The following UBE2E1 variants were observed in gnomAD, a reference collection of about 807,000 sequenced individuals.
UBE2E1 encodes the protein ubiquitin-conjugating enzyme E2 E1.
Under a neutral mutation model 21.4 loss-of-function variants are expected in UBE2E1, and 6 were observed. That is an observed-to-expected ratio of 0.28 (90% CI 0.15 to 0.55). UBE2E1 has a LOEUF of 0.55. Ranked by LOEUF, UBE2E1 falls within the 20% of genes least tolerant of loss-of-function variation. The probability of loss-of-function intolerance (pLI) is 0.93; values close to 1 mark genes in which losing one functional copy is unlikely to be tolerated. For synonymous variants in UBE2E1, 87 were observed against 82.7 expected (o/e 1.05, Z -0.28); for missense variants, 142 against 236.5 (o/e 0.60, Z 2.62).
rs764834820 is a variant in UBE2E1, at chr3:23,870,082, C to T, written c.204-17485C>T. ...TCCTCACTTTTACATGTCTGGTTTT[C>T]CACCTGGGCTGGGAAGGCCCACAGC... On this transcript the variant is annotated intron_variant, in intron 3 of 5. Coordinates refer to ENST00000306627, the MANE Select transcript of UBE2E1 (RefSeq NM_003341.5). The surrounding 1 kb of genome is among the most constrained non-coding windows in gnomAD (Gnocchi z 4.2). Among the ~76,000 whole-genome samples, 1 of 152,128 alleles carries T rather than the reference C, an allele frequency of 6.6e-6. No individual in the cohort carries two copies. Among genetic ancestry groups the T allele is most frequent in the Non-Finnish European group, 1.5e-5 (1 of 68,022 alleles).
intron 5 of UBE2E1, chr3:23,889,726 GACT>G: frequency 1.0e-6 from 1 of 985,274 alleles, no homozygotes; most frequent in Non-Finnish European, 1.2e-6. Flanking sequence ...ATTGAATTGT[GACT>G]TTTTTGGGAC....
intron 3 of UBE2E1, among the ~76,000 whole-genome samples, chr3:23,849,008 C>T (rs780945287): frequency 1.3e-5 from 2 of 152,114 alleles, no homozygotes; most frequent in Admixed American, 6.5e-5. Context: ...AGGGATATAC[C>T]ATGTTTATCC....
rs1479730465 is a variant in UBE2E1 at position 23,870,415 on chromosome 3, G to A, written c.204-17152G>A. Among the ~76,000 whole-genome samples the A allele has an allele frequency of 6.6e-6, 1 of 152,224 alleles. No homozygotes were observed. Among genetic ancestry groups the A allele is most frequent in the African/African-American group, 2.4e-5 (1 of 41,450 alleles). On this transcript the variant is annotated intron_variant, in intron 3 of 5. Transcript: ENST00000306627. This position sits in a 1 kb window ranked among gnomAD's most constrained non-coding sequence, Gnocchi z 4.2. The stretch of plus-strand genomic sequence containing the variant: ...CAGTTTCAAACAATCTGTGGACGGT[G>A]TTGTAAAACTGCCACAGGGAGTTAA...
At chr3:23,821,574 G>T (rs1699646497) in intron 3 of UBE2E1, among the ~76,000 whole-genome samples, 1 of 152,216 alleles carries the variant, frequency 6.6e-6, no homozygotes, top group African/African-American at 2.4e-5. Context: ...AGCTGGTGCA[G>T]GTGGCTAGGA....
intron 3 of UBE2E1, among the ~76,000 whole-genome samples, chr3:23,818,220 A>G (rs1575804666): frequency 6.6e-6 from 1 of 152,154 alleles, no homozygotes; most frequent in Admixed American, 6.5e-5. Context: ...GGCTTGAGGG[A>G]AAAAGGTTTT....
chr3:23,839,534 T>G (rs1474197246), intron 3 of UBE2E1, among the ~76,000 whole-genome samples: 1 of 151,976 alleles, frequency 6.6e-6, no homozygotes. Context: ...TATTACCATT[T>G]CTGGTGTTCT....
At chr3:23,831,889 T>C (rs1575815537) in intron 3 of UBE2E1, among the ~76,000 whole-genome samples, 1 of 151,814 alleles carries the variant, frequency 6.6e-6, no homozygotes, top group Non-Finnish European at 1.5e-5. Context: ...AGAGGCAGGG[T>C]TTCACCATGT....
chr3:23,851,450 G>C lies in UBE2E1; in HGVS notation c.204-36117G>C, dbSNP rs9825452. Among the ~76,000 whole-genome samples, 1,116 of 152,136 alleles carry C rather than the reference G, an allele frequency of 7.3e-3. 14 individuals are homozygous for C. Among genetic ancestry groups the C allele is most frequent in the African/African-American group, 0.025 (1,042 of 41,502 alleles). ...ATTTTGTTTTTTTTTAAACAGTCCA[G>C]CTGGGGTTTTTACAGGGTTTATGTT... On this transcript the variant is annotated intron_variant, in intron 3 of 5. Coordinates refer to ENST00000306627, the MANE Select transcript of UBE2E1 (RefSeq NM_003341.5).
At chr3:23,822,838 C>A (rs1450099192) in intron 3 of UBE2E1, among the ~76,000 whole-genome samples, 1 of 143,314 alleles carries the variant, frequency 7.0e-6, no homozygotes, top group Non-Finnish European at 1.5e-5. Flanking sequence ...CATCCCCCCA[C>A]CCCCAACCCC....
At chr3:23,825,028 G>A (rs1013851884) in intron 3 of UBE2E1, among the ~76,000 whole-genome samples, 2 of 152,150 alleles carry the variant, frequency 1.3e-5, no homozygotes, top group African/African-American at 4.8e-5. Flanking sequence ...AACCTTGTAG[G>A]ATTAGTAATT....
chr3:23,890,481 C>G, intron 5 of UBE2E1, 28 bp from the exon 6 acceptor site: 1 of 1,598,442 alleles, frequency 6.3e-7, no homozygotes, highest in Non-Finnish European at 8.5e-7. Flanking sequence ...TTCCTTTCTC[C>G]AAAGTAATCT....
At position 23,853,760 on chromosome 3, in the gene UBE2E1, G is replaced by T. The variant is rs966220540; in HGVS notation, c.204-33807G>T. On this transcript the variant is annotated intron_variant, in intron 3 of 5. Transcript: ENST00000306627. The surrounding 1 kb of genome is among the most constrained non-coding windows in gnomAD (Gnocchi z 4.1). ...AGGTTTTGCATTTGGTAGTCTGCCA[G>T]TGCTCAAAAATTCCTGGTGGTGGTT... Among the ~76,000 whole-genome samples, 1 of 152,154 alleles carries T rather than the reference G, an allele frequency of 6.6e-6. No individual in the cohort carries two copies. The highest frequency in any genetic ancestry group is 2.4e-5 in the African/African-American group (1 of 41,436).
intron 3 of UBE2E1, among the ~76,000 whole-genome samples, chr3:23,820,215 T>G (rs192526873): frequency 6.6e-6 from 1 of 152,344 alleles, no homozygotes; most frequent in African/African-American, 2.4e-5. Context: ...GCAGCCATGC[T>G]CTAAAGTGAA....
rs149212733 is a variant in UBE2E1, at chr3:23,878,528, G to C, written c.204-9039G>C. Among the ~76,000 whole-genome samples the C allele has an allele frequency of 1.6e-3, 245 of 152,356 alleles. 4 individuals are homozygous for C. In the East Asian group the frequency reaches 0.036, roughly 23 times the overall value. ...ATAACAGATGAGCAGTGGGTGGGCA[G>C]GCCGGCCAGCTGAGTGAAGCTCCAT... On this transcript the variant is annotated intron_variant, in intron 3 of 5. Transcript: ENST00000306627.
intron 3 of UBE2E1, among the ~76,000 whole-genome samples, chr3:23,814,938 A>T (rs1286328982): frequency 1.3e-5 from 2 of 152,236 alleles, no homozygotes; most frequent in Non-Finnish European, 2.9e-5. Flanking sequence ...AATGTCTGAA[A>T]AGTCATTAAA....
rs1699291145 is a variant in UBE2E1, at chr3:23,806,983, C to T, written c.-33-254C>T. The T allele has an allele frequency of 7.4e-6, 2 of 270,366 alleles. No individual in the cohort carries two copies. The highest frequency in any genetic ancestry group is 2.0e-3 in the Middle Eastern group (2 of 976). 16.7% of individuals were successfully genotyped at this position (270,366 alleles called of 1,614,324 possible). On this transcript the variant is annotated intron_variant, in intron 1 of 5. Transcript: ENST00000306627. The surrounding 1 kb of genome is among the most constrained non-coding windows in gnomAD (Gnocchi z 6.5). ...TCCCTCCCTGCCCAGCGGAGAGCCC[C>T]GGGGGGCGAGGGAGGGGCCTCTCTC... is the stretch of plus-strand genomic sequence containing the variant.
At chr3:23,817,659 TG>T (rs1699558604) in intron 3 of UBE2E1, among the ~76,000 whole-genome samples, 1 of 151,928 alleles carries the variant, frequency 6.6e-6, no homozygotes, top group South Asian at 2.1e-4. Context: ...GAAGGCTTCA[TG>T]GAAGAGGTGA....
chr3:23,871,142 T>A (rs1700775494), intron 3 of UBE2E1, among the ~76,000 whole-genome samples: 1 of 152,196 alleles, frequency 6.6e-6, no homozygotes. Context: ...CCTCTTTCTA[T>A]TCCACAAAAC....
chr3:23,811,265 C>T (rs537748744), intron 2 of UBE2E1, among the ~76,000 whole-genome samples, 195 bp from the exon 3 acceptor site: 1 of 152,332 alleles, frequency 6.6e-6, no homozygotes, highest in East Asian at 1.9e-4. Context: ...CAGGAGATTC[C>T]AGGCTGCCTC....
Sources: allele counts gnomAD v4.1 joint callset (sites outside exome capture counted in the v4.1 genomes callset), GRCh38; gene constraint gnomAD v4.1.1; non-coding constraint Gnocchi (gnomAD v3.1); transcripts MANE v1.5; gene names NCBI Gene and HGNC (gene_info 2026-07-23, HGNC 2026-07-21).